Variants in SLC12A6 observed in about 807,000 individuals in gnomAD.
SLC12A6 encodes the protein K-Cl cotransporter 3.
A neutral mutation model predicts 135.3 loss-of-function variants in SLC12A6; 66 were observed. The observed-to-expected ratio is 0.49, with a 90% CI of 0.40 to 0.60. The LOEUF (loss-of-function observed/expected upper bound fraction) is 0.60. SLC12A6 is among the 20% of genes least tolerant of loss of function. The probability of loss-of-function intolerance (pLI) is 0.00; values close to 1 mark genes in which losing one functional copy is unlikely to be tolerated. For missense variants in SLC12A6, 1,058 were observed against 1,452.3 expected, an observed-to-expected ratio of 0.73 and a Z score of 4.41; for synonymous variants, 513 against 508.8, an observed-to-expected ratio of 1.01 and a Z score of -0.11.
Position 34,229,896 on chromosome 15 carries a change from A to G in SLC12A6, c.*3985T>C. On this transcript the variant is annotated 3_prime_UTR_variant, in exon 26 of 26. Coordinates refer to ENST00000354181, the MANE Select transcript of SLC12A6 (RefSeq NM_001365088.1). ...CTTAAACTAATCACTTATGTTAAAA[A>G]GAACCAAAAGACTCTTTTCTCCATG... 1 of 1,039,296 alleles carries G rather than the reference A, an allele frequency of 9.6e-7. No individual in the cohort carries two copies. The highest frequency in any genetic ancestry group is 1.5e-6 in the Non-Finnish European group (1 of 667,788). 64.4% of individuals were successfully genotyped at this position (1,039,296 alleles called of 1,614,324 possible). A position where few individuals can be genotyped will look rare whatever the true frequency, so the allele number is the denominator to read the frequency against.
intron 12 of SLC12A6, 35 bp from the exon 13 acceptor site, chr15:34,250,390 C>G: frequency 7.3e-7 from 1 of 1,362,562 alleles, no homozygotes; most frequent in Non-Finnish European, 1.1e-6. Context: ...CTGTTGTTTA[C>G]CCTCTAACAT....
In SLC12A6 at chr15:34,242,187, C is replaced by A; in HGVS notation, c.2077G>T (p.Ala693Ser). Residue 693 changes from alanine (A) to serine (S), a missense_variant, in exon 17 of 26, where the codon GCT (alanine) becomes TCT (serine). By Grantham distance (99) the Ala-to-Ser change is moderately conservative. Coordinates refer to ENST00000354181, the MANE Select transcript of SLC12A6 (RefSeq NM_001365088.1). ...LSFMGMSICL[A>S]LMFISSWYYA... ...TACCAGGAAGAAATGAACATCAGAG[C>A]CAGACAGATACTCATTCCCATGAAA... 3 of 1,596,782 alleles carry A rather than the reference C, an allele frequency of 1.9e-6. No homozygotes were observed. The highest frequency in any genetic ancestry group is 2.6e-6 in the Non-Finnish European group (3 of 1,164,554).
intron 19 of SLC12A6, among the ~76,000 whole-genome samples, chr15:34,239,719 A>G (rs1322055864): frequency 6.6e-6 from 1 of 151,054 alleles, no homozygotes; most frequent in African/African-American, 2.4e-5. Flanking sequence ...AGTCAAACCA[A>G]TTTGGAGATA....
At chr15:34,292,463 A>T (rs1895604033) in intron 2 of SLC12A6, among the ~76,000 whole-genome samples, 1 of 152,160 alleles carries the variant, frequency 6.6e-6, no homozygotes, top group African/African-American at 2.4e-5. Flanking sequence ...CCACTTGAGG[A>T]GGCAGTGTGT....
intron 2 of SLC12A6, among the ~76,000 whole-genome samples, chr15:34,294,142 T>G (rs752385974): frequency 2.0e-5 from 3 of 152,250 alleles, no homozygotes; most frequent in Non-Finnish European, 4.4e-5. Context: ...AAGATACTTA[T>G]GAAGCAATAT....
chr15:34,238,804 A>G (rs1891449017), intron 20 of SLC12A6, 161 bp downstream of exon 20: 1 of 746,456 alleles, frequency 1.3e-6, no homozygotes, highest in Non-Finnish European at 2.5e-6. Flanking sequence ...TGAAGGGGGT[A>G]GGTAGAATCT....
At chr15:34,321,521 C>G (rs77703058) in intron 2 of SLC12A6, among the ~76,000 whole-genome samples, 7,188 of 152,250 alleles carry the variant, frequency 0.047, 189 homozygotes, top group Non-Finnish European at 0.061. Flanking sequence ...ACAAAAAGAA[C>G]TTTCATACAC....
intron 2 of SLC12A6, among the ~76,000 whole-genome samples, chr15:34,290,482 A>G (rs148822731): frequency 1.3e-5 from 2 of 152,290 alleles, no homozygotes; most frequent in East Asian, 1.9e-4. Flanking sequence ...AGTTCTGTAG[A>G]TATCTATTAG....
intron 10 of SLC12A6, 88 bp from the exon 11 acceptor site, chr15:34,251,145 T>C: frequency 1.0e-6 from 1 of 977,724 alleles, no homozygotes; most frequent in Middle Eastern, 2.1e-4. Context: ...AAAATCAGGC[T>C]CCTCATTTAT....
chr15:34,308,630 C>CAAAAAAAAA (rs536506096), intron 2 of SLC12A6, among the ~76,000 whole-genome samples: 17 of 63,314 alleles, frequency 2.7e-4, no homozygotes, highest in African/African-American at 7.5e-4. Flanking sequence ...GTCCACCTGA[C>CAAAAAAAAA]AAAAAAAAAA....
At chr15:34,300,793 C>CAAAA (rs71763739) in intron 2 of SLC12A6, among the ~76,000 whole-genome samples, 22 of 98,680 alleles carry the variant, frequency 2.2e-4, no homozygotes, top group Non-Finnish European at 3.4e-4. Flanking sequence ...GACTCCGTCT[C>CAAAA]AAAAAAAAAA....
intron 13 of SLC12A6, among the ~76,000 whole-genome samples, chr15:34,247,284 G>A (rs1231254090): frequency 3.9e-5 from 6 of 152,134 alleles, no homozygotes; most frequent in East Asian, 1.9e-4. Flanking sequence ...TTGGGAGGCC[G>A]AGGCGGGTGG....
chr15:34,236,256 T>C, intron 23 of SLC12A6, 57 bp from the exon 24 acceptor site: 1 of 1,313,920 alleles, frequency 7.6e-7, no homozygotes. Flanking sequence ...ATGCTTCATC[T>C]TTGGTTATTT....
chr15:34,319,471 T>C (rs1888903318), intron 2 of SLC12A6, among the ~76,000 whole-genome samples: 3 of 152,030 alleles, frequency 2.0e-5, no homozygotes, highest in Admixed American at 6.6e-5. Context: ...TACTGTCCTC[T>C]TTAAAGACTG....
intron 22 of SLC12A6, 114 bp from the exon 23 acceptor site, chr15:34,236,929 C>G: frequency 1.4e-6 from 1 of 716,198 alleles, no homozygotes; most frequent in South Asian, 1.4e-5. Flanking sequence ...ACTATATTAA[C>G]CTAAGCTTCA....
In SLC12A6 at chr15:34,280,941, ACAC is replaced by A. The variant is rs552903322; in HGVS notation, c.272-5555_272-5553del. ...AAATAAGCCAGGAACAGAAAGCTAA[ACAC>A]CACATGTTCTCATTCATATGTGAGA... On this transcript the variant is annotated intron_variant, in intron 2 of 25. Transcript: ENST00000354181. 1.6e-4 allele frequency among the ~76,000 whole-genome samples: 25 copies of A among 152,326 alleles called. No individual in the cohort carries two copies. The South Asian group carries it at 4.1e-3, about 25-fold the overall frequency.
At chr15:34,319,130 CTTTTTT>C (rs926815901) in intron 2 of SLC12A6, among the ~76,000 whole-genome samples, 2 of 135,392 alleles carry the variant, frequency 1.5e-5, no homozygotes, top group Non-Finnish European at 3.2e-5. Flanking sequence ...GAACAGTTAA[CTTTTTT>C]TTTTTTTTTT....
chr15:34,272,817 T>G (rs1268353087), intron 3 of SLC12A6, among the ~76,000 whole-genome samples: 1 of 152,224 alleles, frequency 6.6e-6, no homozygotes, highest in African/African-American at 2.4e-5. Flanking sequence ...GACTGTCCAT[T>G]TCACTAGCTA....
rs950936663 is a variant in SLC12A6 at position 34,230,162 on chromosome 15, A to G, written c.*3719T>C. ...GAGAACAATGCATAAAAAAAGTTGC[A>G]CAAGTTCCTTATTTTCCTTAATATT... On this transcript the variant is annotated 3_prime_UTR_variant, in exon 26 of 26. Transcript: ENST00000354181. 11 of 219,392 alleles carry G rather than the reference A, an allele frequency of 5.0e-5. No individual in the cohort carries two copies. Among genetic ancestry groups the G allele is most frequent in the Non-Finnish European group, 8.9e-5 (10 of 112,908 alleles). The allele number at this position is 219,392 out of a possible 1,614,324, so 13.6% of individuals were successfully genotyped here. A position where few individuals can be genotyped will look rare whatever the true frequency, so the allele number is the denominator to read the frequency against.
Sources: gnomAD v4.1 joint callset for allele counts (sites outside exome capture counted in the v4.1 genomes callset) on GRCh38, gnomAD v4.1.1 for gene constraint, MANE v1.5 for transcripts, NCBI Gene and HGNC (gene_info 2026-07-23, HGNC 2026-07-21) for gene names.